Variants in DOCK10 observed in about 807,000 individuals in gnomAD.
DOCK10 encodes the protein dedicator of cytokinesis 10, also known as dedicator of cytokinesis protein 10.
Under a neutral mutation model 280.1 loss-of-function variants are expected in DOCK10, and 145 were observed. That is an observed-to-expected ratio of 0.52 (90% CI 0.45 to 0.59). The LOEUF is 0.59. DOCK10 is among the 20% of genes least tolerant of loss of function. The pLI is 0.00. For synonymous variants in DOCK10, 915 were observed against 942.2 expected (o/e 0.97, Z 0.53); for missense variants, 2,368 against 2,651.7 (o/e 0.89, Z 2.35).
intron 1 of DOCK10, among the ~76,000 whole-genome samples, chr2:224,974,471 A>G (rs1454046502): frequency 1.3e-5 from 2 of 152,150 alleles, no homozygotes; most frequent in East Asian, 1.9e-4. Context: ...CTGGTTTGCC[A>G]AAAGACACAT....
intron 1 of DOCK10, among the ~76,000 whole-genome samples, chr2:224,985,702 T>TA (rs770706794): frequency 1.3e-5 from 2 of 151,732 alleles, no homozygotes; most frequent in Non-Finnish European, 2.9e-5. Flanking sequence ...CCTAGGAGGA[T>TA]ACTGGACTCT....
chr2:224,921,112 A>AAAAAAAAAAAAAATATATATAT, intron 2 of DOCK10, among the ~76,000 whole-genome samples: 3 of 54,418 alleles, frequency 5.5e-5, no homozygotes, highest in Non-Finnish European at 8.9e-5. Flanking sequence ...AAAAAAAAAA[A>AAAAAAAAAAAAAATATATATAT]ATATATATAT....
chr2:224,853,166 T>G, intron 16 of DOCK10, 44 bp from the exon 17 acceptor site: 8 of 1,470,234 alleles, frequency 5.4e-6, no homozygotes, highest in Non-Finnish European at 7.3e-6. Flanking sequence ...AATATGGTTC[T>G]TTTAAAGTGA....
At chr2:225,015,985 C>A (rs917618323) in intron 1 of DOCK10, among the ~76,000 whole-genome samples, 1 of 152,212 alleles carries the variant, frequency 6.6e-6, no homozygotes, top group Admixed American at 6.5e-5. Flanking sequence ...TTCAAACTCT[C>A]TAAGCTTCAG....
intron 7 of DOCK10, 80 bp from the exon 8 acceptor site, chr2:224,876,301 AGGTTCCAAAAGTCTT>A: frequency 2.4e-6 from 3 of 1,272,484 alleles, no homozygotes; most frequent in Non-Finnish European, 3.2e-6. Flanking sequence ...TGTGGGCTTG[AGGTTCCAAAAGTCTT>A]TCCATACAGA....
chr2:224,962,855 A>T (rs1704527167), intron 1 of DOCK10, among the ~76,000 whole-genome samples: 1 of 152,230 alleles, frequency 6.6e-6, no homozygotes. Flanking sequence ...AACCCTAATG[A>T]AAATTTAAAA....
At chr2:225,002,347 G>A (rs183615732) in intron 1 of DOCK10, among the ~76,000 whole-genome samples, 15 of 152,280 alleles carry the variant, frequency 9.9e-5, no homozygotes, top group Admixed American at 5.2e-4. Flanking sequence ...TCACTTATTT[G>A]TAGTATCATT....
chr2:224,904,076 C>T (rs773086047), intron 3 of DOCK10, among the ~76,000 whole-genome samples: 12 of 151,922 alleles, frequency 7.9e-5, no homozygotes, highest in African/African-American at 2.7e-4. Flanking sequence ...AAAATTGGGG[C>T]GATCCATTTT....
intron 1 of DOCK10, among the ~76,000 whole-genome samples, chr2:225,015,462 A>G (rs1242929641): frequency 6.6e-6 from 1 of 152,180 alleles, no homozygotes; most frequent in Non-Finnish European, 1.5e-5. Context: ...TTTCCTTAGC[A>G]TATGTTTTCC....
intron 3 of DOCK10, among the ~76,000 whole-genome samples, chr2:224,900,567 T>C (rs1279788890): frequency 1.3e-5 from 2 of 152,266 alleles, no homozygotes; most frequent in African/African-American, 4.8e-5. Context: ...ACCATCATTC[T>C]GGATGTTTTG....
At chr2:224,818,421 C>T (rs1413195829) in intron 29 of DOCK10, among the ~76,000 whole-genome samples, 2 of 118,342 alleles carry the variant, frequency 1.7e-5, no homozygotes, top group Admixed American at 1.8e-4. Flanking sequence ...TTTTTTGAGA[C>T]GGAGTCTTGC....
At chr2:224,885,545 T>G (rs1699226849) in intron 7 of DOCK10, 126 bp downstream of exon 7, 8 of 995,904 alleles carry the variant, frequency 8.0e-6, no homozygotes, top group South Asian at 6.7e-5. Flanking sequence ...CAGGCTGCCT[T>G]GTTTTTCACA....
intron 1 of DOCK10, among the ~76,000 whole-genome samples, chr2:224,959,642 A>C (rs1184839715): frequency 6.6e-6 from 1 of 152,198 alleles, no homozygotes; most frequent in Non-Finnish European, 1.5e-5. Flanking sequence ...CATGATTTGT[A>C]AATAAAGCAC....
At position 224,823,512 on chromosome 2, in the gene DOCK10, T is replaced by C. The variant is rs998303649; in HGVS notation, c.3172A>G (p.Arg1058Gly). The C allele has an allele frequency of 2.5e-6, 4 of 1,596,694 alleles. No individual in the cohort carries two copies. Among genetic ancestry groups the C allele is most frequent in the Non-Finnish European group, 3.4e-6 (4 of 1,174,690 alleles). Residue 1058 changes from arginine to glycine, a missense_variant, in exon 28 of 56, where the codon AGA (arginine) becomes GGA (glycine). Transcript: ENST00000258390. ...TCATATAACTGTACCTTGAGAAATC[T>C]GGCAACGCTGTGGTTTGCCCTTCTT... Reference protein sequence around the residue: ...ETRRANHSVARFLKRCFTFMD... With the variant: ...ETRRANHSVAGFLKRCFTFMD...
At chr2:224,814,108 CCT>C (rs1428829086) in intron 31 of DOCK10, among the ~76,000 whole-genome samples, 1 of 152,072 alleles carries the variant, frequency 6.6e-6, no homozygotes, top group Non-Finnish European at 1.5e-5. Flanking sequence ...ATATTGCCAA[CCT>C]CTGGAGAATA....
intron 55 of DOCK10, among the ~76,000 whole-genome samples, chr2:224,766,289 T>A (rs77660878): frequency 0.014 from 2,100 of 152,294 alleles, 46 homozygotes; most frequent in African/African-American, 0.047. Context: ...AAATACTTTA[T>A]CAGATTGATT....
intron 3 of DOCK10, among the ~76,000 whole-genome samples, chr2:224,911,975 C>T (rs531596027): frequency 1.3e-5 from 2 of 152,118 alleles, no homozygotes; most frequent in South Asian, 4.2e-4. Context: ...CTCCACATGC[C>T]ATTTTCATCA....
chr2:225,042,406 G>A lies in DOCK10; in HGVS notation c.-32C>T, dbSNP rs760555113. 1.6e-6 allele frequency: 2 copies of A among 1,231,050 alleles called. No individual in the cohort carries two copies. The highest frequency in any genetic ancestry group is 3.6e-5 in the South Asian group (1 of 27,548). The allele number at this position is 1,231,050 out of a possible 1,614,324, so 76.3% of individuals were successfully genotyped here. A position where few individuals can be genotyped will look rare whatever the true frequency, so the allele number is the denominator to read the frequency against. On this transcript the variant is annotated 5_prime_UTR_variant, in exon 1 of 56. Transcript: ENST00000258390. The surrounding 1 kb of genome is among the most constrained non-coding windows in gnomAD (Gnocchi z 5.1). ...TCACGCCAATCGCGCCGCGGGCCCG[G>A]GGCGCGCCTCCCGCCGGTCTTCCCC...
chr2:224,854,576 G>A (rs1696978171), intron 16 of DOCK10, among the ~76,000 whole-genome samples: 1 of 152,086 alleles, frequency 6.6e-6, no homozygotes, highest in Non-Finnish European at 1.5e-5. Context: ...GTCCCATTAT[G>A]GATTATTGGT....
Sources: gnomAD v4.1 joint callset for allele counts (sites outside exome capture counted in the v4.1 genomes callset) on GRCh38, gnomAD v4.1.1 for gene constraint, Gnocchi (gnomAD v3.1) non-coding constraint, MANE v1.5 for transcripts, NCBI Gene and HGNC (gene_info 2026-07-23, HGNC 2026-07-21) for gene names.